The following CHN1 variants were observed in gnomAD, a reference collection of about 807,000 sequenced individuals.
CHN1 encodes N-chimaerin.
A neutral mutation model predicts 59.5 loss-of-function variants in CHN1; 37 were observed. That is an observed-to-expected ratio of 0.62 (90% confidence interval 0.48 to 0.82). The LOEUF (loss-of-function observed/expected upper bound fraction) is 0.82, where lower values mean the gene tolerates loss of function less well. CHN1 is among the 40% of genes least tolerant of loss of function. The pLI is 0.00. For missense variants in CHN1, 469 were observed against 571.0 expected (o/e 0.82, Z 1.82); for synonymous variants, 206 against 200.4 (o/e 1.03, Z -0.24).
At chr2:174,842,163 C>T (rs1271609294) in intron 7 of CHN1, among the ~76,000 whole-genome samples, 3 of 152,096 alleles carry the variant, frequency 2.0e-5, no homozygotes, top group African/African-American at 7.2e-5. Context: ...AGTCATTTAT[C>T]AAATGCTTCT....
rs555328228 is a variant in CHN1 at position 174,909,085 on chromosome 2, TC to T, written c.260+5972del. ...TGTCTTTGGAACTCACACCTGGTTTTCTTACTACAGTATTTACTAAAGCTAA... is the reference window on the plus strand; with the variant it reads ...TGTCTTTGGAACTCACACCTGGTTTTTTACTACAGTATTTACTAAAGCTAA... On this transcript the variant is annotated intron_variant, in intron 5 of 12. Transcript: ENST00000409900. 1.1e-3 allele frequency among the ~76,000 whole-genome samples: 164 copies of T among 152,302 alleles called. 1 individual carries two copies. The highest frequency in any genetic ancestry group is 3.5e-3 in the African/African-American group (145 of 41,576).
intron 1 of CHN1, among the ~76,000 whole-genome samples, chr2:174,999,543 C>T (rs1691817390): frequency 6.6e-6 from 1 of 152,094 alleles, no homozygotes; most frequent in African/African-American, 2.4e-5. Flanking sequence ...AATGTCATTC[C>T]TTTAAAACTA....
At chr2:174,847,057 A>G (rs572102406) in intron 6 of CHN1, 100 bp from the exon 7 acceptor site, 3 of 1,551,540 alleles carry the variant, frequency 1.9e-6, no homozygotes, top group South Asian at 1.2e-5. Context: ...AATCTTGCTG[A>G]CGGCCCTCTT....
At chr2:174,924,323 C>T (rs1346606113) in intron 3 of CHN1, among the ~76,000 whole-genome samples, 1 of 152,198 alleles carries the variant, frequency 6.6e-6, no homozygotes. Flanking sequence ...TTATTTATCA[C>T]ATATTTCCTT....
At chr2:174,857,870 TTAAATC>T (rs781410307) in intron 6 of CHN1, among the ~76,000 whole-genome samples, 50 of 152,318 alleles carry the variant, frequency 3.3e-4, no homozygotes, top group South Asian at 8.3e-4. Context: ...ATAAGGAACT[TTAAATC>T]TAGTGCAAAA....
At chr2:174,826,509 G>A (rs1406211164) in intron 7 of CHN1, among the ~76,000 whole-genome samples, 1 of 152,168 alleles carries the variant, frequency 6.6e-6, no homozygotes, top group Non-Finnish European at 1.5e-5. Flanking sequence ...TTGGTAAGGT[G>A]ACTAAAGATG....
chr2:174,999,914 A>C (rs1368559602), intron 1 of CHN1, among the ~76,000 whole-genome samples: 2 of 152,200 alleles, frequency 1.3e-5, no homozygotes, highest in East Asian at 1.9e-4. Flanking sequence ...TTCTATGTTC[A>C]AAAATTAGGC....
intron 3 of CHN1, among the ~76,000 whole-genome samples, chr2:174,933,733 G>T (rs1176272464): frequency 6.6e-6 from 1 of 152,218 alleles, no homozygotes; most frequent in African/African-American, 2.4e-5. Context: ...TGATCTTGCA[G>T]AAAGGGAAAA....
intron 7 of CHN1, among the ~76,000 whole-genome samples, chr2:174,826,865 GTTAT>G (rs1685699030): frequency 6.6e-6 from 1 of 152,096 alleles, no homozygotes; most frequent in Admixed American, 6.5e-5. Context: ...TTAGGATATT[GTTAT>G]TTATTTACAG....
At position 174,811,500 on chromosome 2, in the gene CHN1, G is replaced by A. The variant is rs1442301587; in HGVS notation, c.964+11C>T. On this transcript the variant is annotated intron_variant, in intron 10 of 12. Coordinates refer to ENST00000409900, the MANE Select transcript of CHN1 (RefSeq NM_001822.7). ...ATTGTCCTAAGTTATGGAACATTGTGAAAAACATACCTCTGTCGAAAGCCA... is the reference window on the plus strand; with the variant it reads ...ATTGTCCTAAGTTATGGAACATTGTAAAAAACATACCTCTGTCGAAAGCCA... 4 of 1,594,306 alleles carry A rather than the reference G, an allele frequency of 2.5e-6. No individual in the cohort carries two copies. The highest frequency in any genetic ancestry group is 3.4e-6 in the Non-Finnish European group (4 of 1,164,294).
chr2:174,936,274 A>G (rs147020141), intron 3 of CHN1, among the ~76,000 whole-genome samples: 173 of 152,256 alleles, frequency 1.1e-3, no homozygotes, highest in African/African-American at 4.0e-3. Context: ...TCATCACTAC[A>G]TTTCCCACTG....
intron 12 of CHN1, 45 bp downstream of exon 12, chr2:174,801,662 A>T: frequency 7.2e-7 from 1 of 1,382,380 alleles, no homozygotes; most frequent in Non-Finnish European, 1.0e-6. Context: ...TTGTCCTTAA[A>T]ATTTGGATGC....
At chr2:174,946,165 A>T (rs1396465785) in intron 2 of CHN1, among the ~76,000 whole-genome samples, 1 of 152,172 alleles carries the variant, frequency 6.6e-6, no homozygotes, top group Non-Finnish European at 1.5e-5. Context: ...GATTAATAAT[A>T]GTTTGTACTT....
Position 174,940,450 on chromosome 2 carries a change from A to G in CHN1, c.114+4438T>C, listed in dbSNP as rs1029308659. ...AAATTTATAGCTTTACAATATATAT[A>G]TAAGTTGAGGACCCGATCAAGGTCC... On this transcript the variant is annotated intron_variant, in intron 3 of 12. Transcript: ENST00000409900. Among the ~76,000 whole-genome samples, 3 of 152,116 alleles carry G rather than the reference A, an allele frequency of 2.0e-5. No homozygotes were observed. The East Asian group carries it at 5.8e-4, about 29-fold the overall frequency.
intron 7 of CHN1, among the ~76,000 whole-genome samples, chr2:174,830,874 G>A (rs1248846729): frequency 6.6e-6 from 1 of 152,158 alleles, no homozygotes; most frequent in Non-Finnish European, 1.5e-5. Context: ...AGTTAACACG[G>A]AAGCACCGCT....
chr2:174,989,513 TAATCCTGGA>T (rs1365850695), intron 1 of CHN1, among the ~76,000 whole-genome samples: 3 of 152,206 alleles, frequency 2.0e-5, no homozygotes, highest in Non-Finnish European at 4.4e-5. Context: ...ATCACACCTG[TAATCCTGGA>T]GCTTTGAAGA....
In CHN1 at chr2:174,853,706, T is replaced by A. The variant is rs186293756; in HGVS notation, c.550-6749A>T. Reference sequence around the variant, plus strand: ...GAGACGGAATCAACCCAGGTGCCCATCAATGGTGGACTGGATAAAGAAAAT... The same window carrying A: ...GAGACGGAATCAACCCAGGTGCCCAACAATGGTGGACTGGATAAAGAAAAT... On this transcript the variant is annotated intron_variant, in intron 6 of 12. Coordinates refer to ENST00000409900, the MANE Select transcript of CHN1 (RefSeq NM_001822.7). Among the ~76,000 whole-genome samples, 4 of 152,208 alleles carry A rather than the reference T, an allele frequency of 2.6e-5. No homozygotes were observed. The East Asian group carries it at 7.7e-4, about 29-fold the overall frequency.
Position 174,823,491 on chromosome 2 carries a change from G to A in CHN1, c.712+943C>T, listed in dbSNP as rs1012590589. On this transcript the variant is annotated intron_variant, in intron 8 of 12. Coordinates refer to ENST00000409900, the MANE Select transcript of CHN1 (RefSeq NM_001822.7). The stretch of plus-strand genomic sequence containing the variant: ...ATCCTGGCTAACATGGTGAAACCCC[G>A]TCTCTACTAAAAATACAAAAAATTA... Among the ~76,000 whole-genome samples, 27 of 152,046 alleles carry A rather than the reference G, an allele frequency of 1.8e-4. No homozygotes were observed. The South Asian group carries it at 1.9e-3, about 11-fold the overall frequency.
At chr2:174,939,808 C>T (rs1689602851) in intron 3 of CHN1, among the ~76,000 whole-genome samples, 1 of 152,122 alleles carries the variant, frequency 6.6e-6, no homozygotes, top group Non-Finnish European at 1.5e-5. Context: ...TAATTCTATG[C>T]TTACATATAC....
Sources: gnomAD v4.1 joint callset for allele counts (sites outside exome capture counted in the v4.1 genomes callset) on GRCh38, gnomAD v4.1.1 for gene constraint, MANE v1.5 for transcripts, NCBI Gene and HGNC (gene_info 2026-07-23, HGNC 2026-07-21) for gene names.